The following COBL variants were observed in gnomAD, a reference collection of about 807,000 sequenced individuals.
The protein encoded by COBL is cordon-bleu WH2 repeat protein.
In COBL, 51 loss-of-function variants were observed where a neutral mutation model predicts 98.8. The observed-to-expected ratio is 0.52, with a 90% confidence interval of 0.41 to 0.65. The LOEUF (loss-of-function observed/expected upper bound fraction) is 0.65, where lower values mean the gene tolerates loss of function less well. Among genes scored for constraint, COBL ranks in the 30% least tolerant of loss-of-function variants. The pLI is 0.00. For synonymous variants in COBL, 634 were observed against 651.7 expected, an observed-to-expected ratio of 0.97 and a Z score of 0.41; for missense variants, 1,617 against 1,617.5, an observed-to-expected ratio of 1.00 and a Z score of 0.01.
intron 7 of COBL, among the ~76,000 whole-genome samples, chr7:51,058,413 C>T (rs957058395): frequency 6.6e-6 from 1 of 152,104 alleles, no homozygotes; most frequent in Non-Finnish European, 1.5e-5. Context: ...ATTATCCAGG[C>T]ATGGTAGAGC....
At chr7:51,121,717 T>C (rs1188776038) in intron 6 of COBL, among the ~76,000 whole-genome samples, 1 of 152,220 alleles carries the variant, frequency 6.6e-6, no homozygotes, top group Non-Finnish European at 1.5e-5. Context: ...TGGATCTTTT[T>C]ACACTGCTGC....
rs1273669108 is a variant in COBL, at chr7:51,020,275, G to A, written c.3769-2707C>T. Among the ~76,000 whole-genome samples the A allele has an allele frequency of 4.6e-5, 7 of 152,164 alleles. No individual in the cohort carries two copies. In the South Asian group the frequency reaches 6.2e-4, roughly 14 times the overall value. On this transcript the variant is annotated intron_variant, in intron 12 of 12. Transcript: ENST00000265136. ...AGGTGTCGGGGTAGATGCTTGCCCC[G>A]CTGCCCTCCTGGGAGGAAAGATCCA...
intron 5 of COBL, among the ~76,000 whole-genome samples, chr7:51,177,815 T>TAAATAAAA (rs983993041): frequency 6.8e-6 from 1 of 147,526 alleles, no homozygotes; most frequent in African/African-American, 2.5e-5. Context: ...AATAAATAAA[T>TAAATAAAA]AAAAATTTAA....
chr7:51,052,148 ATAT>A (rs1250741459), intron 7 of COBL, among the ~76,000 whole-genome samples: 2 of 152,182 alleles, frequency 1.3e-5, no homozygotes, highest in East Asian at 3.9e-4. Flanking sequence ...TGTAGTGTGG[ATAT>A]TATTATTATT....
rs202161212 is a variant in COBL at position 51,107,084 on chromosome 7, G to GTTTTTTTTTTTTTTTTTTTTTTTT, written c.958-21781_958-21780insAAAAAAAAAAAAAAAAAAAAAAAA. 3.7e-5 allele frequency among the ~76,000 whole-genome samples: 4 copies of GTTTTTTTTTTTTTTTTTTTTTTTT among 109,312 alleles called. 1 individual carries two copies. The highest frequency in any genetic ancestry group is 3.8e-5 in the Non-Finnish European group (2 of 53,292). 71.7% of individuals were successfully genotyped at this position (109,312 alleles called of 152,430 possible). A position where few individuals can be genotyped will look rare whatever the true frequency, so the allele number is the denominator to read the frequency against. On this transcript the variant is annotated intron_variant, in intron 6 of 12. Coordinates refer to ENST00000265136, the MANE Select transcript of COBL (RefSeq NM_015198.5). The stretch of plus-strand genomic sequence containing the variant: ...ACTTAACACTTTTTTTGTGATCCTA[G>GTTTTTTTTTTTTTTTTTTTTTTTT]TTTGTTTGTTTTTTTTTTTTTTTTT...
At chr7:51,228,014 C>T (rs964198392) in intron 1 of COBL, among the ~76,000 whole-genome samples, 4 of 152,082 alleles carry the variant, frequency 2.6e-5, no homozygotes, top group Non-Finnish European at 2.9e-5. Context: ...CAGGGAGAAA[C>T]GACTTTACCC....
chr7:51,226,695 C>T (rs927648390), intron 1 of COBL, among the ~76,000 whole-genome samples: 2 of 152,110 alleles, frequency 1.3e-5, no homozygotes, highest in African/African-American at 2.4e-5. Flanking sequence ...TGAGTGCTAC[C>T]GCAGCCTGCA....
rs370428090 is a variant in COBL, at chr7:51,192,410, C to T, written c.456+969G>A. 2.0e-5 allele frequency among the ~76,000 whole-genome samples: 3 copies of T among 152,142 alleles called. No individual in the cohort carries two copies. In the East Asian group the frequency reaches 5.8e-4, roughly 29 times the overall value. The stretch of plus-strand genomic sequence containing the variant: ...ATCACCTGAGGTCAGGAGTTCAAGA[C>T]CAGACTGGCCAACATGGTGAAACCT... On this transcript the variant is annotated intron_variant, in intron 3 of 12. Transcript: ENST00000265136.
At chr7:51,055,981 C>T (rs1351561261) in intron 7 of COBL, among the ~76,000 whole-genome samples, 1 of 152,204 alleles carries the variant, frequency 6.6e-6, no homozygotes, top group African/African-American at 2.4e-5. Flanking sequence ...CATTTCCCAT[C>T]TCAGTGCTCT....
At chr7:51,239,925 G>A (rs1795617829) in intron 1 of COBL, among the ~76,000 whole-genome samples, 1 of 152,160 alleles carries the variant, frequency 6.6e-6, no homozygotes, top group African/African-American at 2.4e-5. Flanking sequence ...TATGATCTCT[G>A]TCACAGCTAC....
At position 51,028,302 on chromosome 7, in the gene COBL, G is replaced by A; in HGVS notation, c.2794C>T (p.Pro932Ser). The change falls in exon 10 of 13, where the codon CCC (proline) becomes TCC (serine). Residue 932 changes from proline to serine, a missense_variant. By Grantham distance (74) the Pro-to-Ser change is moderately conservative. Around this residue, in one of 3 missense-constraint regions of COBL, gnomAD observed 1,304 missense variants for 1,282.0 expected, o/e 1.02. Coordinates refer to ENST00000265136, the MANE Select transcript of COBL (RefSeq NM_015198.5). ...TGGTTGTTGGGAGGAGTGACACAGG[G>A]CCACTGGGCACCATCCTTCCATCCT... is the stretch of plus-strand genomic sequence containing the variant. Reference protein sequence around the residue: ...TQGWKDGAQWPCVTPPNNHGE... With the variant: ...TQGWKDGAQWSCVTPPNNHGE... 1.9e-6 allele frequency: 3 copies of A among 1,614,222 alleles called. No homozygotes were observed. Among genetic ancestry groups the A allele is most frequent in the Non-Finnish European group, 2.5e-6 (3 of 1,180,036 alleles).
chr7:51,271,973 G>T (rs1263767746), intron 1 of COBL, among the ~76,000 whole-genome samples: 2 of 152,196 alleles, frequency 1.3e-5, no homozygotes, highest in Non-Finnish European at 2.9e-5. Context: ...AGGCTACAGT[G>T]AGCCAAGATC....
At chr7:51,270,195 C>T (rs1036030763) in intron 1 of COBL, among the ~76,000 whole-genome samples, 12 of 152,076 alleles carry the variant, frequency 7.9e-5, no homozygotes, top group Non-Finnish European at 1.6e-4. Flanking sequence ...TAAAATGCAC[C>T]CTTTTAAGAG....
At position 51,316,672 on chromosome 7, in the gene COBL, G is replaced by A. The variant is rs930347411; in HGVS notation, c.-39C>T. 23 of 1,185,442 alleles carry A rather than the reference G, an allele frequency of 1.9e-5. No individual in the cohort carries two copies. The highest frequency in any genetic ancestry group is 5.2e-6 in the Non-Finnish European group (5 of 956,462). 73.4% of individuals were successfully genotyped at this position (1,185,442 alleles called of 1,614,324 possible). On this transcript the variant is annotated 5_prime_UTR_variant, in exon 1 of 13. Coordinates refer to ENST00000265136, the MANE Select transcript of COBL (RefSeq NM_015198.5). ...GGGACGCGGGCGGTGCTCCGGGCCC[G>A]CCGAGTCAGGCGCTGGCTACCGCCG... is the stretch of plus-strand genomic sequence containing the variant.
At chr7:51,229,300 G>C (rs367763700) in intron 1 of COBL, among the ~76,000 whole-genome samples, 3 of 152,196 alleles carry the variant, frequency 2.0e-5, no homozygotes, top group African/African-American at 7.2e-5. Context: ...CTGTACTCCC[G>C]GCAACGGAAA....
At chr7:51,206,888 C>CA (rs1429625522) in intron 2 of COBL, among the ~76,000 whole-genome samples, 1 of 152,196 alleles carries the variant, frequency 6.6e-6, no homozygotes, top group African/African-American at 2.4e-5. Context: ...TGGTCAAAGA[C>CA]ACACAGTTTC....
At chr7:51,132,873 C>T (rs1208382659) in intron 6 of COBL, among the ~76,000 whole-genome samples, 2 of 152,026 alleles carry the variant, frequency 1.3e-5, no homozygotes, top group African/African-American at 4.8e-5. Flanking sequence ...AGGTAAACTA[C>T]CAGAGAGAGA....
At chr7:51,052,147 G>T (rs796873896) in intron 7 of COBL, among the ~76,000 whole-genome samples, 2 of 152,200 alleles carry the variant, frequency 1.3e-5, no homozygotes, top group African/African-American at 4.8e-5. Context: ...CTGTAGTGTG[G>T]ATATTATTAT....
intron 1 of COBL, among the ~76,000 whole-genome samples, chr7:51,244,324 T>C (rs1796088282): frequency 6.6e-6 from 1 of 152,190 alleles, no homozygotes; most frequent in African/African-American, 2.4e-5. Context: ...CTGTCCTCCT[T>C]CCTGTACACC....
Sources: allele counts gnomAD v4.1 joint callset (sites outside exome capture counted in the v4.1 genomes callset), GRCh38; gene constraint gnomAD v4.1.1; regional missense constraint gnomAD v4.1.1; transcripts MANE v1.5; gene names NCBI Gene and HGNC (gene_info 2026-07-23, HGNC 2026-07-21).